PDE10A: variants seen among roughly 807,000 people sequenced by gnomAD.
The protein encoded by PDE10A is phosphodiesterase 10A.
In PDE10A, 39 loss-of-function variants were observed where a neutral mutation model predicts 97.7. That is an observed-to-expected ratio of 0.40 (90% CI 0.31 to 0.52). The LOEUF (loss-of-function observed/expected upper bound fraction) is 0.52, where lower values mean the gene tolerates loss of function less well. Among genes scored for constraint, PDE10A ranks in the 20% least tolerant of loss-of-function variants. PDE10A has a pLI of 0.56. For missense variants in PDE10A, 731 were observed against 1,047.8 expected, an observed-to-expected ratio of 0.70 and a Z score of 4.17; for synonymous variants, 371 against 376.8, an observed-to-expected ratio of 0.98 and a Z score of 0.18.
chr6:165,985,488 C>T (rs942713272), intron 1 of PDE10A, among the ~76,000 whole-genome samples: 1 of 152,182 alleles, frequency 6.6e-6, no homozygotes, highest in Non-Finnish European at 1.5e-5. Context: ...AATCACAGCA[C>T]ATCACCCCAT....
At chr6:165,728,403 A>C (rs764427520) in intron 1 of PDE10A, among the ~76,000 whole-genome samples, 50 of 152,336 alleles carry the variant, frequency 3.3e-4, no homozygotes, top group Non-Finnish European at 5.1e-4. Context: ...GGTGCATGGC[A>C]CTGATCCAAT....
At chr6:165,422,063 A>G (rs968546516) in intron 10 of PDE10A, among the ~76,000 whole-genome samples, 1 of 152,174 alleles carries the variant, frequency 6.6e-6, no homozygotes, top group Non-Finnish European at 1.5e-5. Context: ...GACCCTGTCT[A>G]AAGAAAGAAA....
At chr6:165,865,948 A>T (rs1781031003) in intron 1 of PDE10A, among the ~76,000 whole-genome samples, 1 of 152,198 alleles carries the variant, frequency 6.6e-6, no homozygotes, top group Non-Finnish European at 1.5e-5. Context: ...CTTCAACTAG[A>T]TTCACACCAA....
chr6:165,673,484 C>G (rs981182816), intron 1 of PDE10A, among the ~76,000 whole-genome samples: 2 of 152,246 alleles, frequency 1.3e-5, no homozygotes, highest in African/African-American at 4.8e-5. Context: ...CTCGCCGGAG[C>G]TGCTGACCCC....
chr6:165,413,410 TG>T (rs5881647), intron 13 of PDE10A, 90 bp downstream of exon 13: 263,334 of 716,586 alleles, frequency 0.37, 35,357 homozygotes, highest in Admixed American at 0.41. Context: ...GAAATATAAA[TG>T]AAAAAAAAAA....
At chr6:165,533,908 C>A (rs896529820) in intron 2 of PDE10A, among the ~76,000 whole-genome samples, 1 of 152,088 alleles carries the variant, frequency 6.6e-6, no homozygotes, top group African/African-American at 2.4e-5. Flanking sequence ...ATGACTTAAT[C>A]TATAAAATTA....
At chr6:165,970,978 T>A (rs1462500079) in intron 1 of PDE10A, among the ~76,000 whole-genome samples, 1 of 152,124 alleles carries the variant, frequency 6.6e-6, no homozygotes, top group Non-Finnish European at 1.5e-5. Context: ...CAAAGCCCCG[T>A]CTCTACTAAA....
intron 2 of PDE10A, among the ~76,000 whole-genome samples, chr6:165,513,879 A>C (rs539753971): frequency 6.6e-6 from 1 of 152,140 alleles, no homozygotes; most frequent in South Asian, 2.1e-4. Flanking sequence ...TTTATTCATT[A>C]GTTTTGTAGT....
chr6:165,595,476 T>C (rs1158279628), intron 1 of PDE10A, among the ~76,000 whole-genome samples: 1 of 152,214 alleles, frequency 6.6e-6, no homozygotes, highest in Non-Finnish European at 1.5e-5. Context: ...AAATTGAACA[T>C]GCGACATACC....
chr6:165,471,211 G>T (rs1778981649), intron 3 of PDE10A, among the ~76,000 whole-genome samples: 1 of 151,956 alleles, frequency 6.6e-6, no homozygotes, highest in African/African-American at 2.4e-5. Context: ...TTATTTAAAA[G>T]AAACATATGC....
rs113231353 is a variant in PDE10A, at chr6:165,934,476, CA to C, written c.-615+53052del. Among the ~76,000 whole-genome samples, 32 of 150,290 alleles carry C rather than the reference CA, an allele frequency of 2.1e-4. 1 individual carries two copies. Among genetic ancestry groups the C allele is most frequent in the Middle Eastern group, 6.9e-3 (2 of 290 alleles). The stretch of plus-strand genomic sequence containing the variant: ...CCACCACCAATTTTCAAACTAGTGA[CA>C]AAAAAAAACCCTCTGGATCCATCTT... On this transcript the variant is annotated intron_variant, in intron 1 of 19. Transcript: ENST00000366882.
intron 1 of PDE10A, among the ~76,000 whole-genome samples, chr6:165,897,463 G>A (rs1236317443): frequency 6.6e-6 from 1 of 152,000 alleles, no homozygotes; most frequent in African/African-American, 2.4e-5. Context: ...AGAATGAGAG[G>A]GTCCTGAGCT....
intron 1 of PDE10A, among the ~76,000 whole-genome samples, chr6:165,742,707 G>T (rs1792756448): frequency 6.6e-6 from 1 of 152,076 alleles, no homozygotes; most frequent in Non-Finnish European, 1.5e-5. Flanking sequence ...CTCAGGGAAG[G>T]TCCTGTCCTG....
At chr6:165,560,525 G>A (rs1158756021) in intron 1 of PDE10A, among the ~76,000 whole-genome samples, 4 of 152,140 alleles carry the variant, frequency 2.6e-5, no homozygotes, top group Non-Finnish European at 4.4e-5. Flanking sequence ...AACGGGTGTT[G>A]GTTTAAGTCA....
intron 1 of PDE10A, among the ~76,000 whole-genome samples, chr6:165,946,498 T>TAAAAAAA (rs57063900): frequency 2.3e-5 from 3 of 128,516 alleles, no homozygotes; most frequent in Non-Finnish European, 3.5e-5. Context: ...TATCTCAAAA[T>TAAAAAAA]AAAAAAAAAA....
intron 3 of PDE10A, among the ~76,000 whole-genome samples, chr6:165,472,424 T>C (rs1779067097): frequency 1.3e-5 from 2 of 152,284 alleles, no homozygotes; most frequent in South Asian, 4.1e-4. Context: ...TAAAGAGCTA[T>C]CTTTTGTATT....
intron 1 of PDE10A, among the ~76,000 whole-genome samples, chr6:165,635,850 T>C (rs956142864): frequency 3.3e-5 from 5 of 152,204 alleles, no homozygotes; most frequent in African/African-American, 1.2e-4. Context: ...GGTAGACATA[T>C]CTTGTTTGAT....
At chr6:165,663,542 G>C (rs978024817), upstream of PDE10A, among the ~76,000 whole-genome samples, 14 of 152,232 alleles carry the variant, frequency 9.2e-5, no homozygotes, top group African/African-American at 3.4e-4. Flanking sequence ...CCTCCTGGTA[G>C]CGGGCCAGCA....
At chr6:165,507,209 C>T (rs199624313) in intron 2 of PDE10A, among the ~76,000 whole-genome samples, 2 of 152,008 alleles carry the variant, frequency 1.3e-5, no homozygotes, top group East Asian at 3.9e-4. Context: ...ACTTACAAGG[C>T]TCTCAGTTTG....
Sources: gnomAD v4.1 joint callset for allele counts (sites outside exome capture counted in the v4.1 genomes callset) on GRCh38, gnomAD v4.1.1 for gene constraint, MANE v1.5 for transcripts, NCBI Gene and HGNC (gene_info 2026-07-23, HGNC 2026-07-21) for gene names.